Variants in ANKAR observed in about 807,000 individuals in gnomAD.
ANKAR encodes ankyrin and armadillo repeat-containing protein.
ANKAR carries 136 observed loss-of-function variants against 146.2 expected under a neutral mutation model. The ratio of observed to expected loss-of-function variants is 0.93; its 90% CI spans 0.81 to 1.07. ANKAR has a LOEUF of 1.07. Among genes scored for constraint, ANKAR ranks in the 50% least tolerant of loss-of-function variants. ANKAR has a pLI of 0.00. For synonymous variants in ANKAR, 500 were observed against 575.8 expected, an observed-to-expected ratio of 0.87 and a Z score of 1.88; for missense variants, 1,567 against 1,679.9, an observed-to-expected ratio of 0.93 and a Z score of 1.18.
downstream of ANKAR, chr2:189,746,883 A>G (rs184951092): frequency 1.7e-5 from 5 of 302,604 alleles, no homozygotes; most frequent in Admixed American, 9.6e-5. Context: ...CATGAGTGGT[A>G]TAACTAGTGT....
At chr2:189,744,637 A>T in intron 21 of ANKAR, 105 bp from the exon 22 acceptor site, 1 of 698,036 alleles carries the variant, frequency 1.4e-6, no homozygotes, top group Non-Finnish European at 2.4e-6. Context: ...TTAGGCCATT[A>T]GGCATTAAAC....
rs772319606 is a variant in ANKAR, at chr2:189,676,792, A to G, written c.302A>G (p.His101Arg). Residue 101 changes from histidine to arginine, a missense_variant, in exon 2 of 23, where the codon CAT (histidine) becomes CGT (arginine). Transcript: ENST00000684021. ...PTALLDYREV[H>R]QMIRELAIGI... ...GCCCTCTTAGACTATAGAGAGGTCC[A>G]TCAAATGATAAGAGAGTTGGCTATT... 3.6e-5 allele frequency: 58 copies of G among 1,614,194 alleles called. No individual in the cohort carries two copies. The South Asian group carries it at 5.3e-4, about 15-fold the overall frequency.
intron 6 of ANKAR, 99 bp from the exon 7 acceptor site, chr2:189,696,051 G>A: frequency 9.9e-7 from 1 of 1,005,168 alleles, no homozygotes; most frequent in Non-Finnish European, 1.5e-6. Context: ...AATTTTAACA[G>A]CATTCATGTG....
chr2:189,752,522 T>C, intron 18 of ANKAR: 2 of 826,440 alleles, frequency 2.4e-6, no homozygotes, highest in Non-Finnish European at 3.8e-6. Flanking sequence ...ACTAGGTTCA[T>C]GAAAGAAATT....
chr2:189,755,239 T>A (rs758712107), intron 18 of ANKAR: 1 of 1,613,162 alleles, frequency 6.2e-7, no homozygotes, highest in South Asian at 1.1e-5. Context: ...CTGAAACTCC[T>A]TGAACTAATG....
intron 2 of ANKAR, among the ~76,000 whole-genome samples, chr2:189,685,382 T>G (rs904214977): frequency 6.6e-6 from 1 of 152,172 alleles, no homozygotes; most frequent in African/African-American, 2.4e-5. Context: ...AAGGGAAATA[T>G]TGAATTCTTC....
intron 9 of ANKAR, among the ~76,000 whole-genome samples, chr2:189,707,756 A>G (rs1471345066): frequency 2.0e-5 from 3 of 152,004 alleles, no homozygotes; most frequent in Admixed American, 2.0e-4. Context: ...CATTATTAAT[A>G]CCACCAGCAG....
At chr2:189,762,882 C>CT (rs1041569201), downstream of ANKAR, 39 of 985,370 alleles carry the variant, frequency 4.0e-5, no homozygotes, top group African/African-American at 6.6e-4. Flanking sequence ...TAAAGGCCGT[C>CT]TTTGCCCAAA....
chr2:189,703,352 A>T (rs900351751), intron 7 of ANKAR, among the ~76,000 whole-genome samples: 5 of 152,054 alleles, frequency 3.3e-5, no homozygotes, highest in Non-Finnish European at 7.4e-5. Context: ...GGTTCTAGAG[A>T]TTTTTAGACT....
At chr2:189,683,199 A>G (rs2035010805) in intron 2 of ANKAR, among the ~76,000 whole-genome samples, 1 of 152,206 alleles carries the variant, frequency 6.6e-6, no homozygotes, top group South Asian at 2.1e-4. Flanking sequence ...ATAATTTTCT[A>G]TTCTTTATAA....
intron 19 of ANKAR, 35 bp from the exon 20 acceptor site, chr2:189,741,307 A>T (rs780778083): frequency 6.7e-7 from 1 of 1,498,890 alleles, no homozygotes; most frequent in South Asian, 1.2e-5. Context: ...TATATCAATT[A>T]AATAACACAA....
chr2:189,711,039 C>T lies in ANKAR; in HGVS notation c.2120-10C>T, dbSNP rs1311434266. On this transcript the variant is annotated splice_polypyrimidine_tract_variant and intron_variant, in intron 9 of 22. Coordinates refer to ENST00000684021, the MANE Select transcript of ANKAR (RefSeq NM_001378068.1). ...ATTACAGCTGTGTTTTTCTGTTGAA[C>T]ACTTAACAGAAATGTTACAGTGTGA... The T allele has an allele frequency of 6.2e-7, 1 of 1,602,398 alleles. No individual in the cohort carries two copies. Among genetic ancestry groups the T allele is most frequent in the Non-Finnish European group, 8.5e-7 (1 of 1,172,258 alleles).
intron 7 of ANKAR, among the ~76,000 whole-genome samples, chr2:189,702,925 G>C (rs997678091): frequency 6.6e-6 from 1 of 152,116 alleles, no homozygotes; most frequent in Admixed American, 6.5e-5. Flanking sequence ...AATAGTCCAG[G>C]GTGGACAGAT....
At position 189,689,632 on chromosome 2, in the gene ANKAR, T is replaced by A. The variant is rs770471179; in HGVS notation, c.707T>A (p.Phe236Tyr). 6.2e-7 allele frequency: 1 copy of A among 1,613,750 alleles called. No homozygotes were observed. The highest frequency in any genetic ancestry group is 1.1e-5 in the South Asian group (1 of 91,054). Residue 236 changes from phenylalanine to tyrosine, a missense_variant, in exon 3 of 23, where the codon TTT (phenylalanine) becomes TAT (tyrosine). Transcript: ENST00000684021. The stretch of plus-strand genomic sequence containing the variant: ...AACAGCCCTGAAGAAACAGCTGTAT[T>A]TATGAAATATGCTGAAAATATTATG... The part of the protein sequence containing the change: ...DPNSPEETAV[F>Y]MKYAENIMLK...
chr2:189,677,356 G>A (rs1167985753), intron 2 of ANKAR, among the ~76,000 whole-genome samples: 1 of 152,110 alleles, frequency 6.6e-6, no homozygotes, highest in Non-Finnish European at 1.5e-5. Flanking sequence ...AAGTTCTTTA[G>A]TGGTGATTTC....
At chr2:189,700,037 C>CTT (rs75626437) in intron 7 of ANKAR, among the ~76,000 whole-genome samples, 3 of 140,298 alleles carry the variant, frequency 2.1e-5, no homozygotes, top group Admixed American at 7.2e-5. Context: ...ACTTGACCTT[C>CTT]ATTTTTTTTT....
At chr2:189,726,664 G>C (rs1233223145) in intron 12 of ANKAR, among the ~76,000 whole-genome samples, 1 of 152,132 alleles carries the variant, frequency 6.6e-6, no homozygotes, top group African/African-American at 2.4e-5. Context: ...TCCTGGTCTG[G>C]ATCCTGTACT....
rs190518759 is a variant in ANKAR, at chr2:189,709,903, C to T, written c.2120-1146C>T. On this transcript the variant is annotated intron_variant, in intron 9 of 22. Coordinates refer to ENST00000684021, the MANE Select transcript of ANKAR (RefSeq NM_001378068.1). ...CCCCCTAACAGGAATGGCCTAAAAG[C>T]GCATAAAAATTCACCAGGGCTGCTG... 2.8e-4 allele frequency among the ~76,000 whole-genome samples: 43 copies of T among 152,228 alleles called. No individual in the cohort carries two copies. The East Asian group carries it at 6.9e-3, about 25-fold the overall frequency.
At chr2:189,702,342 AGC>A (rs1393877233) in intron 7 of ANKAR, among the ~76,000 whole-genome samples, 1 of 152,178 alleles carries the variant, frequency 6.6e-6, no homozygotes, top group Non-Finnish European at 1.5e-5. Context: ...AACACATGAA[AGC>A]ATGGGGCCCC....
Sources: allele counts gnomAD v4.1 joint callset (sites outside exome capture counted in the v4.1 genomes callset), GRCh38; gene constraint gnomAD v4.1.1; transcripts MANE v1.5; gene names NCBI Gene and HGNC (gene_info 2026-07-23, HGNC 2026-07-21).